ASAH1: variants seen among roughly 807,000 people sequenced by gnomAD.
The protein encoded by ASAH1 is N-acylsphingosine amidohydrolase 1.
A neutral mutation model predicts 59.5 loss-of-function variants in ASAH1; 70 were observed. The observed-to-expected ratio is 1.18, with a 90% CI of 0.97 to 1.43. The LOEUF (loss-of-function observed/expected upper bound fraction) is 1.43. ASAH1 is among the 40% of genes most tolerant of loss of function. The pLI is 0.00. For missense variants in ASAH1, 660 were observed against 482.5 expected (o/e 1.37, Z -3.45); for synonymous variants, 213 against 166.5 (o/e 1.28, Z -2.15).
At chr8:18,061,798 G>C (rs1433680269) in intron 8 of ASAH1, 58 bp from the exon 9 acceptor site, 9 of 1,458,926 alleles carry the variant, frequency 6.2e-6, no homozygotes, top group Non-Finnish European at 8.5e-6. Flanking sequence ...TTAAGGCCCT[G>C]TCGCTCACTG....
intron 2 of ASAH1, among the ~76,000 whole-genome samples, chr8:18,074,643 G>A (rs1014741055): frequency 2.0e-5 from 3 of 152,114 alleles, no homozygotes; most frequent in African/African-American, 4.8e-5. Flanking sequence ...TACACTCTGA[G>A]GGGTCTGTGA....
intron 5 of ASAH1, chr8:18,066,665 G>C (rs918441086): frequency 6.6e-6 from 1 of 152,264 alleles, no homozygotes; most frequent in African/African-American, 2.4e-5. Flanking sequence ...AAAACTGTTT[G>C]GCAGAATCTA....
At chr8:18,079,274 G>GAAAAAAAAAAAAAAAAAAAAAAAAAA in intron 1 of ASAH1, among the ~76,000 whole-genome samples, 1 of 116,888 alleles carries the variant, frequency 8.6e-6, no homozygotes, top group Non-Finnish European at 1.7e-5. Flanking sequence ...CTCCATCTCA[G>GAAAAAAAAAAAAAAAAAAAAAAAAAA]AAAAAAAAAA....
intron 2 of ASAH1, among the ~76,000 whole-genome samples, chr8:18,074,614 C>T (rs1800313888): frequency 6.6e-6 from 1 of 152,168 alleles, no homozygotes; most frequent in East Asian, 1.9e-4. Flanking sequence ...TATACCTGTT[C>T]CTTCTTTTCT....
intron 7 of ASAH1, chr8:18,062,868 CTTTTTT>C (rs10562212): frequency 2.1e-3 from 372 of 181,370 alleles, no homozygotes; most frequent in South Asian, 4.7e-3. Context: ...GTTCTGTGTT[CTTTTTT>C]TTTTTTTTTT....
At chr8:18,061,319 T>G (rs934803708) in intron 10 of ASAH1, 58 bp downstream of exon 10, 18 of 1,402,378 alleles carry the variant, frequency 1.3e-5, no homozygotes, top group Non-Finnish European at 1.8e-5. Context: ...ATATTTTTAT[T>G]TTTTAATATG....
rs542389208 is a variant in ASAH1 at position 18,075,121 on chromosome 8, G to C, written c.125+420C>G. Among the ~76,000 whole-genome samples, 928 of 150,886 alleles carry C rather than the reference G, an allele frequency of 6.2e-3. 5 individuals are homozygous for C. Among genetic ancestry groups the C allele is most frequent in the African/African-American group, 0.022 (893 of 40,948 alleles). ...CGCCATTCTCCTGCCTCAGCCTCCA[G>C]AGTAGCTGGGACTACAGGCGCCCGC... is the stretch of plus-strand genomic sequence containing the variant. On this transcript the variant is annotated intron_variant, in intron 2 of 13. Coordinates refer to ENST00000637790, the MANE Select transcript of ASAH1 (RefSeq NM_177924.5).
chr8:18,071,134 G>A (rs553646484), intron 3 of ASAH1, among the ~76,000 whole-genome samples, 166 bp downstream of exon 3: 26 of 152,068 alleles, frequency 1.7e-4, no homozygotes, highest in Admixed American at 4.6e-4. Flanking sequence ...TAGAACCCAG[G>A]AGGCGGAGGT....
intron 2 of ASAH1, 52 bp downstream of exon 2, chr8:18,075,489 A>C: frequency 6.3e-7 from 1 of 1,579,366 alleles, no homozygotes; most frequent in Non-Finnish European, 8.7e-7. Flanking sequence ...TTACATACAG[A>C]AAAAACTTCA....
intron 2 of ASAH1, 91 bp from the exon 3 acceptor site, chr8:18,071,481 G>T: frequency 1.1e-6 from 1 of 903,462 alleles, no homozygotes; most frequent in Non-Finnish European, 1.7e-6. Context: ...GAGAGGCAAA[G>T]TCTTAACAGC....
intron 7 of ASAH1, chr8:18,062,740 C>A (rs1212324422): frequency 1.2e-5 from 5 of 414,524 alleles, no homozygotes; most frequent in South Asian, 2.3e-5. Context: ...GAGCATGTCC[C>A]TCTTGTCTCA....
Position 18,062,568 on chromosome 8 carries a change from T to A in ASAH1, c.504-145A>T, listed in dbSNP as rs12541567. Reference sequence around the variant, plus strand: ...AACAAGACCTTTACAATATGGTATATTTATTCTGTTTTCCAAATGATAAAA... The same window carrying A: ...AACAAGACCTTTACAATATGGTATAATTATTCTGTTTTCCAAATGATAAAA... On this transcript the variant is annotated intron_variant, in intron 7 of 13. Transcript: ENST00000637790. 391,255 of 874,314 alleles carry A rather than the reference T, an allele frequency of 0.45. 93,691 individuals are homozygous for A. Among genetic ancestry groups the A allele is most frequent in the Non-Finnish European group, 0.51 (285,828 of 556,406 alleles). 54.2% of individuals were successfully genotyped at this position (874,314 alleles called of 1,614,324 possible).
chr8:18,079,241 C>T (rs1266514800), intron 1 of ASAH1, among the ~76,000 whole-genome samples: 1 of 149,240 alleles, frequency 6.7e-6, no homozygotes, highest in Admixed American at 6.7e-5. Context: ...TGACTGCACT[C>T]CAGCCTGGGA....
chr8:18,068,886 G>A (rs142642317), intron 4 of ASAH1, among the ~76,000 whole-genome samples: 158 of 152,302 alleles, frequency 1.0e-3, no homozygotes, highest in African/African-American at 3.5e-3. Context: ...AACACTTTGG[G>A]AGAACACTTT....
At chr8:18,084,608 CAGTTGAGTG>C, upstream of ASAH1, 1 of 1,602,826 alleles carries the variant, frequency 6.2e-7, no homozygotes. Context: ...GGACAAGGAG[CAGTTGAGTG>C]GCCGAGGAGT....
At chr8:18,072,428 G>A (rs1480279251) in intron 2 of ASAH1, among the ~76,000 whole-genome samples, 1 of 152,132 alleles carries the variant, frequency 6.6e-6, no homozygotes, top group East Asian at 1.9e-4. Flanking sequence ...AAATAATGCT[G>A]TGTAACTTGG....
chr8:18,072,551 T>C (rs1282208629), intron 2 of ASAH1, among the ~76,000 whole-genome samples: 1 of 152,212 alleles, frequency 6.6e-6, no homozygotes, highest in Non-Finnish European at 1.5e-5. Context: ...AACAAAATCA[T>C]AGTGAACGAA....
rs1271040062 is a variant in ASAH1 at position 18,056,822 on chromosome 8, A to G, written c.*712T>C. ...TGGGATGCAGTTTTTTAAGTTAGCA[A>G]CTTCCTTAGGGTTACTGGGAAGTAG... On this transcript the variant is annotated 3_prime_UTR_variant, in exon 14 of 14. Coordinates refer to ENST00000637790, the MANE Select transcript of ASAH1 (RefSeq NM_177924.5). 6.6e-6 allele frequency: 1 copy of G among 151,918 alleles called. No homozygotes were observed. Among genetic ancestry groups the G allele is most frequent in the Non-Finnish European group, 1.5e-5 (1 of 68,024 alleles). 9.4% of individuals were successfully genotyped at this position (151,918 alleles called of 1,614,324 possible). A position where few individuals can be genotyped will look rare whatever the true frequency, so the allele number is the denominator to read the frequency against.
In ASAH1 at chr8:18,064,475, C is replaced by T. The variant is rs1799845965; in HGVS notation, c.439G>A (p.Val147Ile). ...YELFTICTSI[V>I]AEDKKGHLIH... ...CAATTACCTTTTTTGTCTTCTGCTA[C>T]TATTGAAGTACAAATGGTAAATAAT... The change falls in exon 6 of 14, where the codon GTA becomes ATA. Residue 147 changes from valine to isoleucine, a missense_variant. By Grantham distance (29) the Val-to-Ile change is conservative (BLOSUM62 3). Coordinates refer to ENST00000637790, the MANE Select transcript of ASAH1 (RefSeq NM_177924.5). The T allele has an allele frequency of 1.3e-6, 2 of 1,576,856 alleles. No homozygotes were observed. The highest frequency in any genetic ancestry group is 1.7e-5 in the Admixed American group (1 of 59,702).
Sources: allele counts gnomAD v4.1 joint callset (sites outside exome capture counted in the v4.1 genomes callset), GRCh38; gene constraint gnomAD v4.1.1; transcripts MANE v1.5; gene names NCBI Gene and HGNC (gene_info 2026-07-23, HGNC 2026-07-21).